UQCRC2: variants seen among roughly 807,000 people sequenced by gnomAD.
UQCRC2 encodes the protein ubiquinol-cytochrome c reductase core protein 2.
UQCRC2 carries 49 observed loss-of-function variants against 55.6 expected under a neutral mutation model. That is an observed-to-expected ratio of 0.88 (90% CI 0.70 to 1.12). The LOEUF is 1.12. UQCRC2 is among the 50% of genes most tolerant of loss of function. UQCRC2 has a pLI of 0.00. For synonymous variants in UQCRC2, 193 were observed against 192.0 expected, an observed-to-expected ratio of 1.01 and a Z score of -0.04; for missense variants, 506 against 547.8, an observed-to-expected ratio of 0.92 and a Z score of 0.76.
intron 13 of UQCRC2, among the ~76,000 whole-genome samples, chr16:21,981,725 T>A (rs1898733722): frequency 6.6e-6 from 1 of 151,932 alleles, no homozygotes; most frequent in African/African-American, 2.4e-5. Context: ...ATCATGCCAC[T>A]GTACTCCAGG....
intron 10 of UQCRC2, among the ~76,000 whole-genome samples, 165 bp from the exon 11 acceptor site, chr16:21,973,731 A>G (rs1430690451): frequency 6.6e-6 from 1 of 152,226 alleles, no homozygotes; most frequent in African/African-American, 2.4e-5. Context: ...GAAAGAGGTA[A>G]CCTATTTACA....
intron 1 of UQCRC2, among the ~76,000 whole-genome samples, chr16:21,955,986 C>G (rs8049791): frequency 0.68 from 102,824 of 152,008 alleles, 36,602 homozygotes; most frequent in Non-Finnish European, 0.8. Flanking sequence ...TCACCACGCC[C>G]CGCTTATTTT....
intron 4 of UQCRC2, among the ~76,000 whole-genome samples, chr16:21,961,039 C>T (rs940850043): frequency 2.6e-5 from 4 of 152,034 alleles, no homozygotes; most frequent in Non-Finnish European, 5.9e-5. Flanking sequence ...CTATGTTGCC[C>T]AGACTGGTCT....
intron 13 of UQCRC2, 62 bp from the exon 14 acceptor site, chr16:21,983,026 G>T (rs1451020919): frequency 3.5e-6 from 5 of 1,438,982 alleles, no homozygotes; most frequent in Admixed American, 1.9e-5. Context: ...AAATAAGTTC[G>T]CCTGCTTGAT....
At chr16:21,964,632 A>G (rs577868669) in intron 6 of UQCRC2, among the ~76,000 whole-genome samples, 2 of 152,286 alleles carry the variant, frequency 1.3e-5, no homozygotes, top group Non-Finnish European at 2.9e-5. Flanking sequence ...CCTGGGAAAC[A>G]CCAGCTCATT....
At chr16:21,961,830 TC>T (rs1286310562) in intron 4 of UQCRC2, among the ~76,000 whole-genome samples, 1 of 151,368 alleles carries the variant, frequency 6.6e-6, no homozygotes, top group Non-Finnish European at 1.5e-5. Flanking sequence ...TTTTGTATTT[TC>T]AGTAGAGACC....
chr16:21,983,304 A>G lies in UQCRC2; in HGVS notation c.*133A>G, dbSNP rs1898782997. 1 of 708,062 alleles carries G rather than the reference A, an allele frequency of 1.4e-6. No homozygotes were observed. The highest frequency in any genetic ancestry group is 2.1e-5 in the South Asian group (1 of 46,820). 43.9% of individuals were successfully genotyped at this position (708,062 alleles called of 1,614,324 possible). ...GGTAAAATAAGGCATAAATGCAGGT[A>G]ATTATTCCCAGCTGACCTAAAGTCA... On this transcript the variant is annotated 3_prime_UTR_variant, in exon 14 of 14. Coordinates refer to ENST00000268379, the MANE Select transcript of UQCRC2 (RefSeq NM_003366.4).
chr16:21,968,491 G>T, intron 7 of UQCRC2, 137 bp from the exon 8 acceptor site: 1 of 613,588 alleles, frequency 1.6e-6, no homozygotes, highest in East Asian at 3.1e-5. Context: ...ATTCACCTCA[G>T]TTAGTACCTT....
At chr16:21,967,756 G>A (rs1346512320) in intron 7 of UQCRC2, among the ~76,000 whole-genome samples, 2 of 152,134 alleles carry the variant, frequency 1.3e-5, no homozygotes, top group African/African-American at 2.4e-5. Flanking sequence ...TTACAGTTTC[G>A]ACACCCTGGT....
rs1898384540 is a variant in UQCRC2 at position 21,968,619 on chromosome 16, C to T, written c.613-9C>T. ...AATATAACCTAATAAGTGTTTTTAA[C>T]TTCCTCAGTTACATTACTTCGTTCA... On this transcript the variant is annotated splice_polypyrimidine_tract_variant and intron_variant, in intron 7 of 13. Transcript: ENST00000268379. 3 of 1,598,388 alleles carry T rather than the reference C, an allele frequency of 1.9e-6. No homozygotes were observed. Among genetic ancestry groups the T allele is most frequent in the Admixed American group, 1.8e-5 (1 of 56,808 alleles).
Position 21,954,356 on chromosome 16 carries a change from G to C in UQCRC2, c.33+900G>C, listed in dbSNP as rs538048530. 1.3e-4 allele frequency among the ~76,000 whole-genome samples: 20 copies of C among 152,316 alleles called. 1 individual carries two copies. Among genetic ancestry groups the C allele is most frequent in the African/African-American group, 4.6e-4 (19 of 41,570 alleles). ...AGAAACCCCCCTAGATGGAGATGCA[G>C]AAGACCAGACCTGGGCATGGAATGT... is the stretch of plus-strand genomic sequence containing the variant. On this transcript the variant is annotated intron_variant, in intron 1 of 13. Coordinates refer to ENST00000268379, the MANE Select transcript of UQCRC2 (RefSeq NM_003366.4).
intron 12 of UQCRC2, chr16:21,980,206 G>T: frequency 4.1e-6 from 1 of 242,882 alleles, no homozygotes; most frequent in East Asian, 8.4e-5. Context: ...AGAGGATCCA[G>T]ATTGCACAAC....
rs753242782 is a variant in UQCRC2 at position 21,962,972 on chromosome 16, AATTTTT to A, written c.514+104_514+109del. 4.7e-5 allele frequency: 69 copies of A among 1,454,216 alleles called. No individual in the cohort carries two copies. The Middle Eastern group carries it at 1.2e-3, about 24-fold the overall frequency. 90.1% of individuals were successfully genotyped at this position (1,454,216 alleles called of 1,614,324 possible). A position where few individuals can be genotyped will look rare whatever the true frequency, so the allele number is the denominator to read the frequency against. On this transcript the variant is annotated intron_variant, in intron 6 of 13. Coordinates refer to ENST00000268379, the MANE Select transcript of UQCRC2 (RefSeq NM_003366.4). ...ATAGAAGAAAAAAAATTGCTGTCAA[AATTTTT>A]ATTTTTATTTTTATTTATTTATTGT...
At chr16:21,976,071 T>C in intron 11 of UQCRC2, 96 bp from the exon 12 acceptor site, 1 of 770,608 alleles carries the variant, frequency 1.3e-6, no homozygotes. Context: ...GGAACTAACC[T>C]TCCATCTGTG....
chr16:21,976,311 A>G, intron 12 of UQCRC2, 68 bp downstream of exon 12: 1 of 1,318,460 alleles, frequency 7.6e-7, no homozygotes, highest in Non-Finnish European at 1.1e-6. Context: ...TCAGATTATA[A>G]CAATATTACA....
At chr16:21,977,239 A>G (rs189017281) in intron 12 of UQCRC2, among the ~76,000 whole-genome samples, 1 of 152,084 alleles carries the variant, frequency 6.6e-6, no homozygotes, top group South Asian at 2.1e-4. Flanking sequence ...CTGTAGCCTC[A>G]GCTACTCAGG....
At chr16:21,968,801 G>A (rs779076372) in intron 8 of UQCRC2, 116 bp downstream of exon 8, 11 of 783,658 alleles carry the variant, frequency 1.4e-5, no homozygotes, top group Non-Finnish European at 2.1e-5. Context: ...TTCTATTTAT[G>A]TCAGACAGGC....
At chr16:21,982,752 G>A (rs1395984347) in intron 13 of UQCRC2, among the ~76,000 whole-genome samples, 1 of 152,096 alleles carries the variant, frequency 6.6e-6, no homozygotes, top group Non-Finnish European at 1.5e-5. Flanking sequence ...ATCACTTGAG[G>A]CTAGGAGTTT....
chr16:21,968,122 C>T (rs1898373133), intron 7 of UQCRC2, among the ~76,000 whole-genome samples: 1 of 151,874 alleles, frequency 6.6e-6, no homozygotes, highest in South Asian at 2.1e-4. Flanking sequence ...GTGCCTCAGC[C>T]ACCCATGTAG....
Sources: gnomAD v4.1 joint callset for allele counts (sites outside exome capture counted in the v4.1 genomes callset) on GRCh38, gnomAD v4.1.1 for gene constraint, MANE v1.5 for transcripts, NCBI Gene and HGNC (gene_info 2026-07-23, HGNC 2026-07-21) for gene names.